Variants in TBCEL observed in about 807,000 individuals in gnomAD.
The protein encoded by TBCEL is tubulin-specific chaperone cofactor E-like protein.
Under a neutral mutation model 44.2 loss-of-function variants are expected in TBCEL, and 15 were observed. The ratio of observed to expected loss-of-function variants is 0.34; its 90% CI spans 0.23 to 0.52. The LOEUF is 0.52. Ranked by LOEUF, TBCEL falls within the 20% of genes least tolerant of loss-of-function variation. The pLI is 0.95. For missense variants in TBCEL, 319 were observed against 506.3 expected (o/e 0.63, Z 3.55); for synonymous variants, 171 against 185.4 (o/e 0.92, Z 0.63).
intron 8 of TBCEL, among the ~76,000 whole-genome samples, chr11:121,076,628 C>A (rs1946038663): frequency 6.6e-6 from 1 of 151,980 alleles, no homozygotes; most frequent in Non-Finnish European, 1.5e-5. Flanking sequence ...TCTTTTCCAA[C>A]CAGTATGACT....
intron 8 of TBCEL, among the ~76,000 whole-genome samples, chr11:121,070,492 G>A (rs939974949): frequency 9.9e-5 from 15 of 152,124 alleles, no homozygotes; most frequent in African/African-American, 3.1e-4. Context: ...AGAAAATGTG[G>A]CACATATACA....
In TBCEL at chr11:121,058,376, A is replaced by G; in HGVS notation, c.744A>G (p.Leu248=). 1 of 1,611,782 alleles carries G rather than the reference A, an allele frequency of 6.2e-7. No individual in the cohort carries two copies. Among genetic ancestry groups the G allele is most frequent in the East Asian group, 2.2e-5 (1 of 44,822 alleles). Residue 248 remains leucine (L), a synonymous_variant, in exon 7 of 9, where the codon CTA becomes CTG. Coordinates refer to ENST00000683345, the MANE Select transcript of TBCEL (RefSeq NM_001363644.2). ...AGTCCTGGGAAGACATTGATAAACT[A>G]AATTCATTTCCCAAACTGGAAGAAG... ...GLQSWEDIDK[L]NSFPKLEEVR...
Position 121,053,542 on chromosome 11 carries a change from TC to T in TBCEL, c.274-8del, listed in dbSNP as rs1591395794. 4 of 1,609,982 alleles carry T rather than the reference TC, an allele frequency of 2.5e-6. No homozygotes were observed. Among genetic ancestry groups the T allele is most frequent in the Non-Finnish European group, 3.4e-6 (4 of 1,177,750 alleles). ...CTGCCTGATAATGCTTTTCTTTTTT[TC>T]TCCTTAGGTCAGTAAAATTGTGTCA... On this transcript the variant is annotated splice_region_variant and splice_polypyrimidine_tract_variant and intron_variant, in intron 4 of 8. Transcript: ENST00000683345.
At position 121,037,250 on chromosome 11, in the gene TBCEL, C is replaced by T. The variant is rs542780219; in HGVS notation, c.-18+638C>T. 8.5e-5 allele frequency among the ~76,000 whole-genome samples: 13 copies of T among 152,340 alleles called. No individual in the cohort carries two copies. The South Asian group carries it at 2.1e-3, about 24-fold the overall frequency. On this transcript the variant is annotated intron_variant, in intron 2 of 8. Coordinates refer to ENST00000683345, the MANE Select transcript of TBCEL (RefSeq NM_001363644.2). ...GTTATGATAAGGGATTTATCAGCTA[C>T]ACTTATTTTGCTTTTAGAATGCTAA...
In TBCEL at chr11:121,029,214, A is replaced by G. The variant is rs563211953; in HGVS notation, c.-126+4923A>G. 2.4e-4 allele frequency among the ~76,000 whole-genome samples: 36 copies of G among 152,214 alleles called. No homozygotes were observed. In the South Asian group the frequency reaches 7.1e-3, roughly 30 times the overall value. ...TCAGTGTTCTCAAAGTCCTTTGTCC[A>G]TGCTTCTTATATATTACCTTTGTGT... On this transcript the variant is annotated intron_variant, in intron 1 of 8. Coordinates refer to ENST00000683345, the MANE Select transcript of TBCEL (RefSeq NM_001363644.2).
chr11:121,053,726 T>TTGG lies in TBCEL; in HGVS notation c.449_450insTGG (p.Leu150delinsPheGly). 1 of 1,611,624 alleles carries TTGG rather than the reference T, an allele frequency of 6.2e-7. No homozygotes were observed. The highest frequency in any genetic ancestry group is 8.5e-7 in the Non-Finnish European group (1 of 1,178,564). On this transcript the variant is annotated protein_altering_variant, in exon 5 of 9. Coordinates refer to ENST00000683345, the MANE Select transcript of TBCEL (RefSeq NM_001363644.2). Reference sequence around the variant, plus strand: ...ACGGTCCACATGATACTACAGGAGTTACCAGAGTAAGCCCAGAGAGCATGA... The same window carrying TTGG: ...ACGGTCCACATGATACTACAGGAGTTTGGACCAGAGTAAGCCCAGAGAGCATGA...
At position 121,089,195 on chromosome 11, in the gene TBCEL, CAGA is replaced by C. The variant is rs1946258155; in HGVS notation, c.*2101_*2103del. ...CCCTGGACTGTCCCACAGCAGAAGGCAGAACAAACACTTATGTTATGCTTTAAT... is the reference window on the plus strand; with the variant it reads ...CCCTGGACTGTCCCACAGCAGAAGGCACAAACACTTATGTTATGCTTTAAT... On this transcript the variant is annotated 3_prime_UTR_variant, in exon 9 of 9. Transcript: ENST00000683345. The C allele has an allele frequency of 1.3e-5, 2 of 152,014 alleles. No individual in the cohort carries two copies. Among genetic ancestry groups the C allele is most frequent in the African/African-American group, 4.8e-5 (2 of 41,404 alleles). The allele number at this position is 152,014 out of a possible 1,614,324, so 9.4% of individuals were successfully genotyped here.
Position 121,087,261 on chromosome 11 carries a change from T to C in TBCEL, c.*165T>C. 1.5e-6 allele frequency: 1 copy of C among 670,464 alleles called. No homozygotes were observed. The highest frequency in any genetic ancestry group is 2.4e-6 in the Non-Finnish European group (1 of 408,542). The allele number at this position is 670,464 out of a possible 1,614,324, so 41.5% of individuals were successfully genotyped here. On this transcript the variant is annotated 3_prime_UTR_variant, in exon 9 of 9. Transcript: ENST00000683345. ...TTCCCCCTGGAGTGAGTAGGGGCCA[T>C]TTTTGGGTGTTTTCTACCACAGATT... is the stretch of plus-strand genomic sequence containing the variant.
chr11:121,040,020 G>A (rs1945302900), intron 2 of TBCEL, among the ~76,000 whole-genome samples: 1 of 152,068 alleles, frequency 6.6e-6, no homozygotes, highest in Non-Finnish European at 1.5e-5. Context: ...AAAATTTCTT[G>A]AAGATTTAGC....
chr11:121,086,157 C>G (rs7131216), intron 8 of TBCEL, among the ~76,000 whole-genome samples: 4,092 of 152,148 alleles, frequency 0.027, 150 homozygotes, highest in African/African-American at 0.078. Flanking sequence ...GGTATCTTTT[C>G]CTTTGTATTC....
intron 8 of TBCEL, among the ~76,000 whole-genome samples, chr11:121,082,412 C>T (rs1348538433): frequency 2.0e-5 from 3 of 152,220 alleles, no homozygotes; most frequent in African/African-American, 4.8e-5. Flanking sequence ...TTGAGTCTCT[C>T]TGACTTCCTC....
At chr11:121,042,479 T>C (rs541072522) in intron 2 of TBCEL, among the ~76,000 whole-genome samples, 2 of 152,270 alleles carry the variant, frequency 1.3e-5, no homozygotes, top group African/African-American at 4.8e-5. Context: ...AGTGTTGGAA[T>C]AGAGGGCAGC....
intron 2 of TBCEL, among the ~76,000 whole-genome samples, chr11:121,044,554 C>T (rs1945395141): frequency 6.6e-6 from 1 of 152,050 alleles, no homozygotes; most frequent in Non-Finnish European, 1.5e-5. Context: ...TATCCTTCTC[C>T]CTACTGATTA....
At chr11:121,065,557 G>A (rs763293041) in intron 8 of TBCEL, among the ~76,000 whole-genome samples, 8 of 152,184 alleles carry the variant, frequency 5.3e-5, no homozygotes, top group Non-Finnish European at 1.0e-4. Context: ...CTGTGCATTT[G>A]TGTTTCTGGT....
intron 1 of TBCEL, among the ~76,000 whole-genome samples, chr11:121,031,022 AT>A (rs1945133592): frequency 6.6e-6 from 1 of 152,068 alleles, no homozygotes; most frequent in Non-Finnish European, 1.5e-5. Flanking sequence ...GTAACATTTT[AT>A]TTTATGAATA....
intron 8 of TBCEL, among the ~76,000 whole-genome samples, chr11:121,082,990 T>C (rs998862103): frequency 1.2e-4 from 18 of 152,124 alleles, no homozygotes; most frequent in Non-Finnish European, 2.2e-4. Context: ...CCAAACTGTT[T>C]CCACACTCTA....
intron 8 of TBCEL, among the ~76,000 whole-genome samples, chr11:121,081,566 T>C (rs533043915): frequency 1.3e-5 from 2 of 152,322 alleles, no homozygotes; most frequent in African/African-American, 4.8e-5. Context: ...CAGGAAGACA[T>C]TGGAACTAAT....
At chr11:121,080,633 C>G (rs1175267128) in intron 8 of TBCEL, among the ~76,000 whole-genome samples, 1 of 152,142 alleles carries the variant, frequency 6.6e-6, no homozygotes, top group Non-Finnish European at 1.5e-5. Context: ...TAAGGCTAAT[C>G]AAACCTGAGA....
In TBCEL at chr11:121,090,554, AG is replaced by A. The variant is rs1301875686; in HGVS notation, c.*3460del. ...TTGTGAACACTCTACTATTTTTCAT[AG>A]GTGCTTCCTTGAAATATATGTCCAT... On this transcript the variant is annotated 3_prime_UTR_variant, in exon 9 of 9. Coordinates refer to ENST00000683345, the MANE Select transcript of TBCEL (RefSeq NM_001363644.2). 1.3e-5 allele frequency: 2 copies of A among 152,162 alleles called. No homozygotes were observed. The highest frequency in any genetic ancestry group is 4.8e-5 in the African/African-American group (2 of 41,530). 9.4% of individuals were successfully genotyped at this position (152,162 alleles called of 1,614,324 possible).
Sources: allele counts gnomAD v4.1 joint callset (sites outside exome capture counted in the v4.1 genomes callset), GRCh38; gene constraint gnomAD v4.1.1; transcripts MANE v1.5; gene names NCBI Gene and HGNC (gene_info 2026-07-23, HGNC 2026-07-21).